The following CCDC60 variants were observed in gnomAD, a reference collection of about 807,000 sequenced individuals.
CCDC60 encodes coiled-coil domain containing 60.
In CCDC60, 54 loss-of-function variants were observed where a neutral mutation model predicts 63.5. That is an observed-to-expected ratio of 0.85 (90% CI 0.68 to 1.07). The LOEUF is 1.07. Among genes scored for constraint, CCDC60 ranks in the 50% least tolerant of loss-of-function variants. The pLI is 0.00. For synonymous variants in CCDC60, 206 were observed against 238.8 expected, an observed-to-expected ratio of 0.86 and a Z score of 1.27; for missense variants, 651 against 684.3, an observed-to-expected ratio of 0.95 and a Z score of 0.54.
intron 3 of CCDC60, among the ~76,000 whole-genome samples, chr12:119,475,931 C>A (rs1248543101): frequency 6.6e-6 from 1 of 152,110 alleles, no homozygotes; most frequent in East Asian, 1.9e-4. Flanking sequence ...TCCATGAAAG[C>A]TGAAAAGCAT....
At chr12:119,368,966 AAG>A (rs761908852) in intron 1 of CCDC60, among the ~76,000 whole-genome samples, 17 of 152,304 alleles carry the variant, frequency 1.1e-4, no homozygotes, top group Non-Finnish European at 2.2e-4. Context: ...AGGATGAAGA[AAG>A]AGGAATGGGT....
intron 1 of CCDC60, among the ~76,000 whole-genome samples, chr12:119,368,219 G>A (rs987973372): frequency 1.7e-5 from 2 of 118,042 alleles, no homozygotes; most frequent in East Asian, 8.7e-4. Flanking sequence ...GGAGGGGGAG[G>A]AAGAGGAGGA....
intron 2 of CCDC60, among the ~76,000 whole-genome samples, chr12:119,455,372 T>A (rs1472752030): frequency 6.6e-6 from 1 of 152,114 alleles, no homozygotes; most frequent in Non-Finnish European, 1.5e-5. Context: ...GCAATCACCA[T>A]GTAGTGTGCT....
intron 2 of CCDC60, among the ~76,000 whole-genome samples, chr12:119,441,504 G>C (rs759142400): frequency 2.6e-5 from 4 of 152,148 alleles, no homozygotes; most frequent in Non-Finnish European, 5.9e-5. Flanking sequence ...ATCAGAAGAA[G>C]GAACATTACC....
At chr12:119,521,181 G>A (rs1952518878) in intron 9 of CCDC60, among the ~76,000 whole-genome samples, 1 of 152,168 alleles carries the variant, frequency 6.6e-6, no homozygotes, top group South Asian at 2.1e-4. Flanking sequence ...TGTAATTTTG[G>A]ATTAGTGTTG....
At chr12:119,433,967 G>A (rs1950280247) in intron 2 of CCDC60, among the ~76,000 whole-genome samples, 1 of 152,202 alleles carries the variant, frequency 6.6e-6, no homozygotes, top group Admixed American at 6.5e-5. Context: ...CTCTTGAAGT[G>A]CGATGACGTA....
chr12:119,390,709 G>A (rs143941570), intron 1 of CCDC60, among the ~76,000 whole-genome samples: 11 of 152,298 alleles, frequency 7.2e-5, no homozygotes, highest in South Asian at 2.1e-4. Context: ...TCAGCAGCTC[G>A]GAGTAGGGCT....
At chr12:119,369,688 T>A (rs1311598861) in intron 1 of CCDC60, among the ~76,000 whole-genome samples, 1 of 152,088 alleles carries the variant, frequency 6.6e-6, no homozygotes, top group Non-Finnish European at 1.5e-5. Flanking sequence ...TGGGAGGATG[T>A]TAGGAGGATG....
chr12:119,514,838 G>A (rs1952313119), intron 7 of CCDC60, among the ~76,000 whole-genome samples: 1 of 152,118 alleles, frequency 6.6e-6, no homozygotes, highest in Non-Finnish European at 1.5e-5. Context: ...AGTCCTGGAA[G>A]CTCCATTTAT....
In CCDC60 at chr12:119,447,373, G is replaced by C. The variant is rs1950560917; in HGVS notation, c.170+18611G>C. ...CATTGTGAATTCCTAAGGAGTTGTG[G>C]GTCTCCAGCGAGCAGTCCCTGCCAT... On this transcript the variant is annotated intron_variant, in intron 2 of 13. Transcript: ENST00000327554. Among the ~76,000 whole-genome samples, 7 of 152,216 alleles carry C rather than the reference G, an allele frequency of 4.6e-5. No homozygotes were observed. In the South Asian group the frequency reaches 1.5e-3, roughly 32 times the overall value.
At chr12:119,500,677 G>T (rs1278104545) in intron 6 of CCDC60, among the ~76,000 whole-genome samples, 1 of 151,972 alleles carries the variant, frequency 6.6e-6, no homozygotes, top group African/African-American at 2.4e-5. Context: ...AACATAGCAA[G>T]ACCCCGTCTT....
At chr12:119,499,990 C>A (rs1951809251) in intron 5 of CCDC60, 88 bp from the exon 6 acceptor site, 3 of 917,570 alleles carry the variant, frequency 3.3e-6, no homozygotes, top group Admixed American at 3.5e-5. Context: ...AGCCACCATT[C>A]CTCCTCTATT....
At chr12:119,479,239 C>G in intron 4 of CCDC60, 38 bp downstream of exon 4, 1 of 1,470,402 alleles carries the variant, frequency 6.8e-7, no homozygotes, top group Non-Finnish European at 9.5e-7. Context: ...GCTTTGCTAG[C>G]TTATAAATTG....
At chr12:119,522,794 C>A in intron 9 of CCDC60, 145 bp from the exon 10 acceptor site, 1 of 758,624 alleles carries the variant, frequency 1.3e-6, no homozygotes, top group Non-Finnish European at 2.4e-6. Flanking sequence ...GGAAGAAATT[C>A]ATAGAGTTCT....
chr12:119,415,333 G>A (rs12370095), intron 1 of CCDC60, among the ~76,000 whole-genome samples: 11,204 of 152,300 alleles, frequency 0.074, 544 homozygotes, highest in Middle Eastern at 0.16. Context: ...GGCAGCAGGT[G>A]CAAAGACCCT....
At chr12:119,532,064 G>C (rs1952858240) in intron 13 of CCDC60, among the ~76,000 whole-genome samples, 1 of 152,164 alleles carries the variant, frequency 6.6e-6, no homozygotes, top group South Asian at 2.1e-4. Context: ...AATGACCTGG[G>C]TGTGTTAATG....
intron 1 of CCDC60, among the ~76,000 whole-genome samples, chr12:119,360,456 G>A (rs537021846): frequency 2.0e-5 from 3 of 151,426 alleles, no homozygotes; most frequent in Admixed American, 6.6e-5. Context: ...CTTCCCAGAC[G>A]GGGTGGCTGC....
At chr12:119,507,549 T>TATATGTATATATAC (rs1952050776) in intron 7 of CCDC60, among the ~76,000 whole-genome samples, 1 of 60,492 alleles carries the variant, frequency 1.7e-5, no homozygotes, top group African/African-American at 8.6e-5. Flanking sequence ...CACATATATA[T>TATATGTATATATAC]ACATATATAT....
At chr12:119,359,847 GGGGTAAGGTCACA>G (rs1647012320) in intron 1 of CCDC60, among the ~76,000 whole-genome samples, 1 of 151,788 alleles carries the variant, frequency 6.6e-6, no homozygotes, top group African/African-American at 2.4e-5. Context: ...CACAGGGTTG[GGGGTAAGGTCACA>G]GATCAACAGG....
Sources: gnomAD v4.1 joint callset for allele counts (sites outside exome capture counted in the v4.1 genomes callset) on GRCh38, gnomAD v4.1.1 for gene constraint, MANE v1.5 for transcripts, NCBI Gene and HGNC (gene_info 2026-07-23, HGNC 2026-07-21) for gene names.